The following RHBDD2 variants were observed in gnomAD, a reference collection of about 807,000 sequenced individuals.
RHBDD2 encodes rhomboid domain-containing protein 2.
A neutral mutation model predicts 21.7 loss-of-function variants in RHBDD2; 13 were observed. The ratio of observed to expected loss-of-function variants is 0.60; its 90% CI spans 0.39 to 0.95. The LOEUF is 0.95. Ranked by LOEUF, RHBDD2 falls within the 40% of genes least tolerant of loss-of-function variation. RHBDD2 has a pLI of 0.00. For synonymous variants in RHBDD2, 225 were observed against 220.0 expected (o/e 1.02, Z -0.20); for missense variants, 473 against 478.9 (o/e 0.99, Z 0.11).
chr7:75,887,973 C>A lies in RHBDD2; in HGVS notation c.738-19C>A, dbSNP rs781845930. The A allele has an allele frequency of 6.3e-7, 1 of 1,593,344 alleles. No homozygotes were observed. Among genetic ancestry groups the A allele is most frequent in the Admixed American group, 1.7e-5 (1 of 59,192 alleles). ...CCAAGACTCGCTGAAGGACCATTTT[C>A]TCTCTTGTTCCATTCCAGACTGAAC... On this transcript the variant is annotated intron_variant, in intron 3 of 3. Transcript: ENST00000006777.
In RHBDD2 at chr7:75,888,133, C is replaced by T. The variant is rs1220353680; in HGVS notation, c.879C>T (p.Thr293=). 3 of 1,613,736 alleles carry T rather than the reference C, an allele frequency of 1.9e-6. No individual in the cohort carries two copies. Among genetic ancestry groups the T allele is most frequent in the Non-Finnish European group, 2.5e-6 (3 of 1,180,056 alleles). Residue 293 remains threonine (T), a synonymous_variant, in exon 4 of 4, where the codon ACC becomes ACT. Transcript: ENST00000006777. The part of the protein sequence containing the change: ...WPSCTPGHMP[T]LPPYQPASGL... Reference sequence around the variant, plus strand: ...CCTGCACCCCCGGGCACATGCCCACCTTGCCTCCGTACCAGCCTGCCTCCG... The same window carrying T: ...CCTGCACCCCCGGGCACATGCCCACTTTGCCTCCGTACCAGCCTGCCTCCG...
intron 2 of RHBDD2, among the ~76,000 whole-genome samples, chr7:75,882,557 T>G (rs1244371334): frequency 1.3e-5 from 2 of 152,142 alleles, no homozygotes; most frequent in Non-Finnish European, 2.9e-5. Flanking sequence ...ACTCCTGGTC[T>G]CAGGTGATCT....
chr7:75,888,408 C>G lies in RHBDD2; in HGVS notation c.*59C>G, dbSNP rs1554544600. On this transcript the variant is annotated 3_prime_UTR_variant, in exon 4 of 4. Coordinates refer to ENST00000006777, the MANE Select transcript of RHBDD2 (RefSeq NM_001040456.3). Reference sequence around the variant, plus strand: ...TCTGAAGGTCCTCCCTAAGAGTCTCCTGACAAAAGTTACTTATTGAACACC... The same window carrying G: ...TCTGAAGGTCCTCCCTAAGAGTCTCGTGACAAAAGTTACTTATTGAACACC... 1.4e-6 allele frequency: 2 copies of G among 1,382,950 alleles called. No homozygotes were observed. Among genetic ancestry groups the G allele is most frequent in the East Asian group, 2.3e-5 (1 of 43,474 alleles). The allele number at this position is 1,382,950 out of a possible 1,614,324, so 85.7% of individuals were successfully genotyped here.
intron 1 of RHBDD2, among the ~76,000 whole-genome samples, chr7:75,881,115 T>A (rs797023005): frequency 1.8e-4 from 27 of 152,162 alleles, no homozygotes; most frequent in African/African-American, 5.5e-4. Flanking sequence ...GGAGGATCAC[T>A]GGAGGCCAGG....
At chr7:75,883,592 A>G in intron 2 of RHBDD2, 106 bp from the exon 3 acceptor site, 1 of 945,928 alleles carries the variant, frequency 1.1e-6, no homozygotes, top group Non-Finnish European at 1.6e-6. Context: ...CAGCGTGCTA[A>G]GCATGAAGGC....
chr7:75,880,884 CCTGA>C (rs1805285642), intron 1 of RHBDD2, among the ~76,000 whole-genome samples: 1 of 152,084 alleles, frequency 6.6e-6, no homozygotes, highest in Admixed American at 6.6e-5. Context: ...CATCATCACA[CCTGA>C]CTAATTTTTA....
intron 2 of RHBDD2, 129 bp downstream of exon 2, chr7:75,882,365 C>T: frequency 1.2e-6 from 1 of 863,392 alleles, no homozygotes; most frequent in Non-Finnish European, 1.7e-6. Flanking sequence ...CTCTGTCACC[C>T]AGGCTGGAGT....
At position 75,879,229 on chromosome 7, in the gene RHBDD2, G is replaced by T; in HGVS notation, c.147G>T (p.Thr49=). 1 of 1,522,354 alleles carries T rather than the reference G, an allele frequency of 6.6e-7. No homozygotes were observed. 94.3% of individuals were successfully genotyped at this position (1,522,354 alleles called of 1,614,324 possible). A position where few individuals can be genotyped will look rare whatever the true frequency, so the allele number is the denominator to read the frequency against. The change falls in exon 1 of 4, where the codon ACG becomes ACT. Residue 49 remains threonine, a synonymous_variant. Transcript: ENST00000006777. ...AGCCCCTGGCGCCCTCGGGCCTCACGCTGAAGTCCGAGGCCCTTCGCAACT... is the reference window on the plus strand; with the variant it reads ...AGCCCCTGGCGCCCTCGGGCCTCACTCTGAAGTCCGAGGCCCTTCGCAACT... The part of the protein sequence containing the change: ...LQQPLAPSGL[T]LKSEALRNWQ...
intron 3 of RHBDD2, among the ~76,000 whole-genome samples, chr7:75,886,459 C>T (rs1554543899): frequency 6.6e-6 from 1 of 152,120 alleles, no homozygotes; most frequent in Non-Finnish European, 1.5e-5. Flanking sequence ...TGATGGTGGT[C>T]TCCAGCTGTA....
rs548786533 is a variant in RHBDD2 at position 75,882,639 on chromosome 7, A to AT, written c.586+412dup. Among the ~76,000 whole-genome samples, 7 of 150,642 alleles carry AT rather than the reference A, an allele frequency of 4.6e-5. No individual in the cohort carries two copies. The South Asian group carries it at 1.3e-3, about 27-fold the overall frequency. On this transcript the variant is annotated intron_variant, in intron 2 of 3. Transcript: ENST00000006777. ...CGTGGCCGAGTCATATCTGATCATA[A>AT]TTTTTTTTTACTTTTTTTTTCATAT...
rs374791794 is a variant in RHBDD2, at chr7:75,888,363, GAAGTCATCTC to G, written c.*16_*25del. The G allele has an allele frequency of 4.3e-4, 688 of 1,597,204 alleles. 1 individual carries two copies. In the African/African-American group the frequency reaches 8.6e-3, roughly 20 times the overall value. On this transcript the variant is annotated 3_prime_UTR_variant, in exon 4 of 4. Coordinates refer to ENST00000006777, the MANE Select transcript of RHBDD2 (RefSeq NM_001040456.3). ...CCCATGCCCTGAGAGAATTTCTAGG[GAAGTCATCTC>G]ACTTGGCCTTCTGAAGGTCCTCCCT...
chr7:75,883,086 G>A (rs1423836740), intron 2 of RHBDD2, among the ~76,000 whole-genome samples: 1 of 152,194 alleles, frequency 6.6e-6, no homozygotes, highest in Admixed American at 6.5e-5. Context: ...TACACCAGCA[G>A]AGGCATGTCC....
At position 75,888,144 on chromosome 7, in the gene RHBDD2, A is replaced by G. The variant is rs781866018; in HGVS notation, c.890A>G (p.Tyr297Cys). The change falls in exon 4 of 4, where the codon TAC becomes TGC. Residue 297 changes from tyrosine (Y) to cysteine (C), a missense_variant. Transcript: ENST00000006777. ...GGGCACATGCCCACCTTGCCTCCGTACCAGCCTGCCTCCGGCCTGTGCTAT... is the reference window on the plus strand; with the variant it reads ...GGGCACATGCCCACCTTGCCTCCGTGCCAGCCTGCCTCCGGCCTGTGCTAT... Reference protein sequence around the residue: ...TPGHMPTLPPYQPASGLCYVQ... With the variant: ...TPGHMPTLPPCQPASGLCYVQ... 2 of 1,613,592 alleles carry G rather than the reference A, an allele frequency of 1.2e-6. No individual in the cohort carries two copies. The highest frequency in any genetic ancestry group is 4.5e-5 in the East Asian group (2 of 44,870).
chr7:75,883,675 T>A, intron 2 of RHBDD2, 23 bp from the exon 3 acceptor site: 1 of 1,610,066 alleles, frequency 6.2e-7, no homozygotes, highest in Non-Finnish European at 8.5e-7. Flanking sequence ...TGCCTCCAGT[T>A]TCACTTAACA....
chr7:75,879,180 G>A lies in RHBDD2; in HGVS notation c.98G>A (p.Gly33Glu). Residue 33 changes from glycine to glutamate, a missense_variant, in exon 1 of 4, where the codon GGG (glycine) becomes GAG (glutamate). Gly to Glu is a moderately conservative substitution (Grantham distance 98). Transcript: ENST00000006777. ...FTALLSLLVSGPRLFLLQQPL... is the reference protein window; with the variant it reads ...FTALLSLLVSEPRLFLLQQPL... ...GCGCTGCTCTCGCTGCTGGTTTCCGGGCCTCGCCTGTTCCTGCTGCAGCAG... is the reference window on the plus strand; with the variant it reads ...GCGCTGCTCTCGCTGCTGGTTTCCGAGCCTCGCCTGTTCCTGCTGCAGCAG... The A allele has an allele frequency of 6.6e-7, 1 of 1,513,366 alleles. No individual in the cohort carries two copies. Among genetic ancestry groups the A allele is most frequent in the Non-Finnish European group, 8.9e-7 (1 of 1,128,854 alleles). 93.7% of individuals were successfully genotyped at this position (1,513,366 alleles called of 1,614,324 possible).
intron 2 of RHBDD2, 193 bp from the exon 3 acceptor site, chr7:75,883,503 AGT>A (rs1554543009): frequency 2.1e-6 from 1 of 476,908 alleles, no homozygotes; most frequent in Non-Finnish European, 3.8e-6. Context: ...GGGCTGCTAG[AGT>A]GAGACTCCAT....
At chr7:75,881,708 T>C in intron 1 of RHBDD2, 121 bp from the exon 2 acceptor site, 2 of 1,068,738 alleles carry the variant, frequency 1.9e-6, no homozygotes, top group East Asian at 4.8e-5. Context: ...CTGCTGCGAC[T>C]CACTGGCTCT....
In RHBDD2 at chr7:75,883,753, C is replaced by G; in HGVS notation, c.642C>G (p.Leu214=). ...IDLSERVALK[L]DQTFPFSLMR... is the part of the protein sequence containing the mutation. ...TCTCAGAGCGAGTGGCACTGAAGCTCGATCAGACCTTCCCCTTCAGCCTGA... is the reference window on the plus strand; with the variant it reads ...TCTCAGAGCGAGTGGCACTGAAGCTGGATCAGACCTTCCCCTTCAGCCTGA... The change falls in exon 3 of 4, where the codon CTC becomes CTG. Residue 214 remains leucine, a synonymous_variant. Transcript: ENST00000006777. The G allele has an allele frequency of 6.2e-7, 1 of 1,613,670 alleles. No individual in the cohort carries two copies. Among genetic ancestry groups the G allele is most frequent in the African/African-American group, 1.3e-5 (1 of 74,970 alleles).
rs782042422 is a variant in RHBDD2, at chr7:75,888,126, T to C, written c.872T>C (p.Met291Thr). The part of the protein sequence containing the change: ...ASWPSCTPGH[M>T]PTLPPYQPAS... ...TGGCCCTCCTGCACCCCCGGGCACA[T>C]GCCCACCTTGCCTCCGTACCAGCCT... The change falls in exon 4 of 4, where the codon ATG (methionine) becomes ACG (threonine). Residue 291 changes from methionine (M) to threonine (T), a missense_variant. Physicochemically the swap from Met to Thr is moderately conservative, Grantham distance 81 (BLOSUM62 -1). Transcript: ENST00000006777. The C allele has an allele frequency of 1.2e-5, 19 of 1,613,734 alleles. No individual in the cohort carries two copies. The highest frequency in any genetic ancestry group is 1.5e-5 in the Non-Finnish European group (18 of 1,180,060).
Sources: gnomAD v4.1 joint callset for allele counts (sites outside exome capture counted in the v4.1 genomes callset) on GRCh38, gnomAD v4.1.1 for gene constraint, MANE v1.5 for transcripts, NCBI Gene and HGNC (gene_info 2026-07-23, HGNC 2026-07-21) for gene names.